Variants in CHMP3 observed in about 807,000 individuals in gnomAD.
CHMP3 encodes the protein 25.1 protein.
A neutral mutation model predicts 27.4 loss-of-function variants in CHMP3; 8 were observed. The observed-to-expected ratio is 0.29, with a 90% CI of 0.17 to 0.53. The LOEUF (loss-of-function observed/expected upper bound fraction) is 0.53. Among genes scored for constraint, CHMP3 ranks in the 20% least tolerant of loss-of-function variants. The pLI, the probability that CHMP3 is intolerant of heterozygous loss-of-function variation, is 0.96. For synonymous variants in CHMP3, 86 were observed against 85.5 expected, an observed-to-expected ratio of 1.01 and a Z score of -0.03; for missense variants, 208 against 271.5, an observed-to-expected ratio of 0.77 and a Z score of 1.64.
At chr2:86,529,101 C>T in intron 3 of CHMP3, 117 bp downstream of exon 3, 1 of 1,200,552 alleles carries the variant, frequency 8.3e-7, no homozygotes. Context: ...ACACTCAACA[C>T]TAAGAAAATA....
intron 1 of CHMP3, among the ~76,000 whole-genome samples, chr2:86,548,179 C>CTTTTTT (rs55949258): frequency 1.7e-5 from 2 of 116,072 alleles, no homozygotes; most frequent in African/African-American, 3.0e-5. Context: ...GAGGAGTTCT[C>CTTTTTT]TTTTTTTTTT....
chr2:86,549,416 G>A (rs374571326), intron 1 of CHMP3, among the ~76,000 whole-genome samples: 46 of 143,656 alleles, frequency 3.2e-4, no homozygotes, highest in East Asian at 2.6e-3. Flanking sequence ...CAGACGGGGC[G>A]GCCGGGCAGA....
chr2:86,529,691 TAATC>T (rs752834427), intron 2 of CHMP3, among the ~76,000 whole-genome samples: 18 of 152,184 alleles, frequency 1.2e-4, no homozygotes, highest in Non-Finnish European at 2.6e-4. Context: ...CTTGCTCCAA[TAATC>T]AATAAGTAGT....
intron 1 of CHMP3, 120 bp from the exon 2 acceptor site, chr2:86,542,432 C>A: frequency 1.0e-6 from 1 of 987,732 alleles, no homozygotes. Context: ...AAGCCATTTT[C>A]AAAGACAGAG....
In CHMP3 at chr2:86,504,933, T is replaced by C. The variant is rs1674833826; in HGVS notation, c.*871A>G. On this transcript the variant is annotated 3_prime_UTR_variant, in exon 6 of 6. Transcript: ENST00000263856. Reference sequence around the variant, plus strand: ...ACTGCTGAAATGATTTATAAATGTATCTTAAGAATGTCCCAGATGAGTGAA... The same window carrying C: ...ACTGCTGAAATGATTTATAAATGTACCTTAAGAATGTCCCAGATGAGTGAA... 6.6e-6 allele frequency: 1 copy of C among 152,284 alleles called. No homozygotes were observed. Among genetic ancestry groups the C allele is most frequent in the South Asian group, 2.1e-4 (1 of 4,830 alleles). 9.4% of individuals were successfully genotyped at this position (152,284 alleles called of 1,614,324 possible). A position where few individuals can be genotyped will look rare whatever the true frequency, so the allele number is the denominator to read the frequency against.
At chr2:86,532,415 A>G (rs555192744) in intron 2 of CHMP3, among the ~76,000 whole-genome samples, 1 of 152,252 alleles carries the variant, frequency 6.6e-6, no homozygotes. Context: ...TCCAATTTAC[A>G]TACTTTTAAC....
intron 1 of CHMP3, chr2:86,562,849 G>A (rs940743582): frequency 1.3e-5 from 2 of 157,288 alleles, no homozygotes; most frequent in South Asian, 1.8e-4. Context: ...ACAACAGGGA[G>A]GACGGAGAAC....
At chr2:86,563,246 A>T in intron 1 of CHMP3, 58 bp downstream of exon 1, 1 of 1,591,324 alleles carries the variant, frequency 6.3e-7, no homozygotes, top group East Asian at 2.3e-5. Context: ...GTCATTTACC[A>T]ACTTCACTAC....
chr2:86,529,592 A>G (rs556407937), intron 2 of CHMP3, among the ~76,000 whole-genome samples, 195 bp from the exon 3 acceptor site: 1 of 152,326 alleles, frequency 6.6e-6, no homozygotes, highest in South Asian at 2.1e-4. Context: ...GTACGATCCT[A>G]TTATACTTGA....
intron 3 of CHMP3, among the ~76,000 whole-genome samples, chr2:86,528,697 T>A (rs1031394319): frequency 6.6e-6 from 1 of 152,212 alleles, no homozygotes; most frequent in Non-Finnish European, 1.5e-5. Flanking sequence ...CTATTTTAAA[T>A]ATCATGAGTT....
In CHMP3 at chr2:86,529,283, A is replaced by C. The variant is rs1675825520; in HGVS notation, c.221T>G (p.Val74Gly). ...AKEMIRSRKA[V>G]SKLYASKAHM... is the part of the protein sequence containing the mutation. The stretch of plus-strand genomic sequence containing the variant: ...TGCTTTGGATGCATACAGCTTGCTC[A>C]CAGCCTTCCTTGACCTGATCATCTC... Residue 74 changes from valine to glycine, a missense_variant, in exon 3 of 6, where the codon GTG becomes GGG. Transcript: ENST00000263856. 2.5e-6 allele frequency: 4 copies of C among 1,613,722 alleles called. No individual in the cohort carries two copies. In the South Asian group the frequency reaches 4.4e-5, roughly 18 times the overall value.
intron 1 of CHMP3, among the ~76,000 whole-genome samples, chr2:86,559,827 T>C (rs1273844305): frequency 6.6e-6 from 1 of 152,160 alleles, no homozygotes. Context: ...ATGGAACACA[T>C]GACAGTGAAA....
intron 1 of CHMP3, chr2:86,562,704 G>C (rs1449244689): frequency 3.3e-5 from 5 of 152,268 alleles, no homozygotes; most frequent in African/African-American, 1.2e-4. Context: ...CAATTAATAG[G>C]TAACGAGAGT....
chr2:86,520,412 C>G (rs1472867014), intron 3 of CHMP3, among the ~76,000 whole-genome samples: 2 of 152,044 alleles, frequency 1.3e-5, no homozygotes, highest in Non-Finnish European at 2.9e-5. Context: ...GTGCTATACA[C>G]TTTCAAACAA....
chr2:86,518,489 G>A (rs1675400052), intron 3 of CHMP3, among the ~76,000 whole-genome samples: 1 of 151,980 alleles, frequency 6.6e-6, no homozygotes, highest in African/African-American at 2.4e-5. Context: ...ATAACTTGAA[G>A]CAGTTTATTA....
intron 1 of CHMP3, among the ~76,000 whole-genome samples, chr2:86,559,882 A>G (rs1677278556): frequency 6.6e-6 from 1 of 152,348 alleles, no homozygotes; most frequent in East Asian, 1.9e-4. Context: ...TAATCACTCC[A>G]ACCACTGAAC....
intron 2 of CHMP3, among the ~76,000 whole-genome samples, chr2:86,536,375 A>ACT (rs1558654102): frequency 6.6e-5 from 10 of 152,146 alleles, no homozygotes; most frequent in African/African-American, 2.2e-4. Context: ...TTACTGTATA[A>ACT]TGTCCTTTCA....
intron 3 of CHMP3, among the ~76,000 whole-genome samples, chr2:86,514,628 T>A (rs779611312): frequency 6.6e-6 from 1 of 152,178 alleles, no homozygotes; most frequent in Non-Finnish European, 1.5e-5. Context: ...TAACAATATG[T>A]TGAATGCATA....
chr2:86,563,296 G>A lies in CHMP3; in HGVS notation c.45+8C>T, dbSNP rs1253150814. On this transcript the variant is annotated splice_region_variant and intron_variant, in intron 1 of 5. Coordinates refer to ENST00000263856, the MANE Select transcript of CHMP3 (RefSeq NM_016079.4). The stretch of plus-strand genomic sequence containing the variant: ...CACCCGCTTATCTGCCGCCGCCGTA[G>A]CCCTTACCAGTTCTTTGGGCGGCTT... The A allele has an allele frequency of 1.2e-6, 2 of 1,613,930 alleles. No individual in the cohort carries two copies. Among genetic ancestry groups the A allele is most frequent in the African/African-American group, 1.3e-5 (1 of 74,946 alleles).
Sources: gnomAD v4.1 joint callset for allele counts (sites outside exome capture counted in the v4.1 genomes callset) on GRCh38, gnomAD v4.1.1 for gene constraint, MANE v1.5 for transcripts, NCBI Gene and HGNC (gene_info 2026-07-23, HGNC 2026-07-21) for gene names.